The following PBX3 variants were observed in gnomAD, a reference collection of about 807,000 sequenced individuals.
PBX3 encodes the protein PBX homeobox 3.
In PBX3, 14 loss-of-function variants were observed where a neutral mutation model predicts 48.5. That is an observed-to-expected ratio of 0.29 (90% CI 0.19 to 0.45). The LOEUF is 0.45. PBX3 is among the 20% of genes least tolerant of loss of function. PBX3 has a pLI of 1.00. For missense variants in PBX3, 386 were observed against 546.7 expected (o/e 0.71, Z 2.93); for synonymous variants, 210 against 200.3 (o/e 1.05, Z -0.41).
At chr9:125,911,710 G>A (rs1841207269) in intron 2 of PBX3, among the ~76,000 whole-genome samples, 1 of 151,932 alleles carries the variant, frequency 6.6e-6, no homozygotes, top group Non-Finnish European at 1.5e-5. Context: ...GACGTCGTAG[G>A]CCTAAGCTTA....
chr9:125,867,011 A>G lies in PBX3; in HGVS notation c.275-48675A>G, dbSNP rs567339492. On this transcript the variant is annotated intron_variant, in intron 2 of 8. Coordinates refer to ENST00000373489, the MANE Select transcript of PBX3 (RefSeq NM_006195.6). The stretch of plus-strand genomic sequence containing the variant: ...ACTACATATGTGTAATTACAAAGCA[A>G]TTGTAATGGCAAATCTAGGGTCTTG... Among the ~76,000 whole-genome samples the G allele has an allele frequency of 8.5e-5, 13 of 152,318 alleles. No homozygotes were observed. The South Asian group carries it at 1.9e-3, about 22-fold the overall frequency.
chr9:125,834,572 T>G (rs1370411589), intron 2 of PBX3, among the ~76,000 whole-genome samples: 1 of 151,526 alleles, frequency 6.6e-6, no homozygotes, highest in East Asian at 2.0e-4. Flanking sequence ...AATTTTTGTA[T>G]TTTTAGTAGA....
intron 2 of PBX3, among the ~76,000 whole-genome samples, chr9:125,849,228 A>T (rs2031103595): frequency 6.6e-6 from 1 of 151,938 alleles, no homozygotes. Flanking sequence ...TCAGTTGTTG[A>T]ATTTTTCAGA....
chr9:125,883,709 T>A (rs566718202), intron 2 of PBX3, among the ~76,000 whole-genome samples: 3 of 152,278 alleles, frequency 2.0e-5, no homozygotes, highest in East Asian at 1.9e-4. Flanking sequence ...CAAACATTCC[T>A]CCTTGAAGCA....
intron 2 of PBX3, among the ~76,000 whole-genome samples, chr9:125,775,115 C>G (rs1248845533): frequency 6.6e-6 from 1 of 152,212 alleles, no homozygotes; most frequent in Non-Finnish European, 1.5e-5. Flanking sequence ...GATCCACCCA[C>G]CTCAGCCTCC....
intron 2 of PBX3, among the ~76,000 whole-genome samples, chr9:125,813,220 T>C (rs1588172822): frequency 6.9e-6 from 1 of 144,290 alleles, no homozygotes; most frequent in African/African-American, 2.5e-5. Flanking sequence ...AGCATTCAGA[T>C]TTTTTTTTAT....
chr9:125,963,322 G>A (rs1842470035), intron 8 of PBX3, among the ~76,000 whole-genome samples: 1 of 152,166 alleles, frequency 6.6e-6, no homozygotes, highest in Non-Finnish European at 1.5e-5. Flanking sequence ...CCTGTCATCA[G>A]CAGGGACTTA....
chr9:125,802,117 G>T (rs753528697), intron 2 of PBX3, among the ~76,000 whole-genome samples: 1 of 151,928 alleles, frequency 6.6e-6, no homozygotes, highest in East Asian at 1.9e-4. Context: ...TAATAATTTT[G>T]CATTTCAACT....
intron 5 of PBX3, among the ~76,000 whole-genome samples, chr9:125,955,831 T>A (rs1193310659): frequency 1.3e-5 from 2 of 152,236 alleles, no homozygotes; most frequent in East Asian, 3.8e-4. Flanking sequence ...GTGGATAGCA[T>A]TGCTTTTATA....
At chr9:125,927,653 CT>C (rs1564176917) in intron 3 of PBX3, among the ~76,000 whole-genome samples, 1 of 152,184 alleles carries the variant, frequency 6.6e-6, no homozygotes, top group Non-Finnish European at 1.5e-5. Context: ...AGAAGAGACT[CT>C]TTTTCTTCAG....
intron 2 of PBX3, among the ~76,000 whole-genome samples, chr9:125,825,400 A>G (rs1409083616): frequency 2.0e-5 from 3 of 152,192 alleles, no homozygotes; most frequent in East Asian, 1.9e-4. Flanking sequence ...TAAAATAACA[A>G]TAACACGTTA....
At chr9:125,769,032 T>G (rs1836874203) in intron 2 of PBX3, among the ~76,000 whole-genome samples, 1 of 152,214 alleles carries the variant, frequency 6.6e-6, no homozygotes, top group African/African-American at 2.4e-5. Context: ...TTCCTCACAC[T>G]TGGCATGCAG....
intron 2 of PBX3, among the ~76,000 whole-genome samples, chr9:125,827,039 C>T (rs1838827771): frequency 6.6e-6 from 1 of 152,150 alleles, no homozygotes; most frequent in African/African-American, 2.4e-5. Flanking sequence ...CTCCCACCCA[C>T]ACCCCTCCCA....
chr9:125,762,137 G>T (rs1218147358), intron 2 of PBX3, among the ~76,000 whole-genome samples: 1 of 152,124 alleles, frequency 6.6e-6, no homozygotes, highest in Non-Finnish European at 1.5e-5. Flanking sequence ...CTGGCTGAGT[G>T]CTACTTTACG....
At chr9:125,750,869 C>T (rs140039743) in intron 2 of PBX3, among the ~76,000 whole-genome samples, 2 of 152,274 alleles carry the variant, frequency 1.3e-5, no homozygotes, top group East Asian at 3.9e-4. Context: ...TTTCCATTCT[C>T]CCCTACTACC....
At chr9:125,800,275 C>T (rs565242250) in intron 2 of PBX3, among the ~76,000 whole-genome samples, 21 of 152,106 alleles carry the variant, frequency 1.4e-4, no homozygotes, top group Middle Eastern at 3.4e-3. Flanking sequence ...GAGCAAAAGC[C>T]AAATTAAGCC....
chr9:125,928,899 A>G (rs940834494), intron 3 of PBX3, among the ~76,000 whole-genome samples: 2 of 151,414 alleles, frequency 1.3e-5, no homozygotes, highest in African/African-American at 4.9e-5. Flanking sequence ...AAATTATAAT[A>G]GGTCATTGGA....
At chr9:125,811,381 T>TC (rs1434491313) in intron 2 of PBX3, among the ~76,000 whole-genome samples, 2 of 152,178 alleles carry the variant, frequency 1.3e-5, no homozygotes, top group African/African-American at 4.8e-5. Flanking sequence ...TGTAATAATC[T>TC]CCATGTGTCA....
At chr9:125,912,729 T>G (rs1423352711) in intron 2 of PBX3, among the ~76,000 whole-genome samples, 1 of 152,208 alleles carries the variant, frequency 6.6e-6, no homozygotes, top group Non-Finnish European at 1.5e-5. Context: ...TACATACATT[T>G]TGGATTAAAA....
Sources: gnomAD v4.1 joint callset for allele counts (sites outside exome capture counted in the v4.1 genomes callset) on GRCh38, gnomAD v4.1.1 for gene constraint, MANE v1.5 for transcripts, NCBI Gene and HGNC (gene_info 2026-07-23, HGNC 2026-07-21) for gene names.